The following FOXO1 variants were observed in gnomAD, a reference collection of about 807,000 sequenced individuals.
FOXO1 encodes forkhead box protein O1.
A neutral mutation model predicts 44.1 loss-of-function variants in FOXO1; 6 were observed. The ratio of observed to expected loss-of-function variants is 0.14; its 90% CI spans 0.07 to 0.27. The LOEUF (loss-of-function observed/expected upper bound fraction) is 0.27, where lower values mean the gene tolerates loss of function less well. FOXO1 is among the 10% of genes least tolerant of loss of function. The pLI, the probability that FOXO1 is intolerant of heterozygous loss-of-function variation, is 1.00. For synonymous variants in FOXO1, 380 were observed against 362.7 expected (o/e 1.05, Z -0.54); for missense variants, 737 against 888.8 (o/e 0.83, Z 2.17).
chr13:40,607,400 C>T (rs948015223), intron 1 of FOXO1, among the ~76,000 whole-genome samples: 1 of 152,126 alleles, frequency 6.6e-6, no homozygotes, highest in East Asian at 1.9e-4. Flanking sequence ...AGAAAAACAT[C>T]ATTCTTCTTG....
intron 1 of FOXO1, among the ~76,000 whole-genome samples, chr13:40,656,021 A>AT (rs1317139936): frequency 2.6e-5 from 4 of 152,202 alleles, no homozygotes; most frequent in South Asian, 2.1e-4. Context: ...CCACAATGCC[A>AT]TTTTTACTGC....
At chr13:40,630,006 A>G (rs1876909180) in intron 1 of FOXO1, among the ~76,000 whole-genome samples, 1 of 152,222 alleles carries the variant, frequency 6.6e-6, no homozygotes, top group Non-Finnish European at 1.5e-5. Flanking sequence ...CTTTAACTAC[A>G]TTACATCTAA....
At chr13:40,633,453 A>G (rs996330438) in intron 1 of FOXO1, among the ~76,000 whole-genome samples, 1 of 152,256 alleles carries the variant, frequency 6.6e-6, no homozygotes, top group Non-Finnish European at 1.5e-5. Context: ...AAGGAATGAT[A>G]CTGATACATG....
At chr13:40,647,926 C>A (rs552556784) in intron 1 of FOXO1, among the ~76,000 whole-genome samples, 1 of 152,174 alleles carries the variant, frequency 6.6e-6, no homozygotes, top group Admixed American at 6.5e-5. Flanking sequence ...CACATCTATG[C>A]CTGCAGAGTC....
At chr13:40,598,584 A>ATATGT (rs1875685207) in intron 1 of FOXO1, among the ~76,000 whole-genome samples, 1 of 152,192 alleles carries the variant, frequency 6.6e-6, no homozygotes, top group South Asian at 2.1e-4. Flanking sequence ...ATATTTACAT[A>ATATGT]TATGTGGTTC....
Position 40,585,020 on chromosome 13 carries a change from C to T in FOXO1, c.631-24160G>A, listed in dbSNP as rs544399987. 8.5e-5 allele frequency among the ~76,000 whole-genome samples: 13 copies of T among 152,224 alleles called. No homozygotes were observed. The East Asian group carries it at 2.5e-3, about 29-fold the overall frequency. On this transcript the variant is annotated intron_variant, in intron 1 of 2. Transcript: ENST00000379561. ...TGATTTAACAAGAGGAAGATGAAGT[C>T]CCAGAATATTCTTAACAAGTATCTT...
At chr13:40,612,907 C>T (rs901824496) in intron 1 of FOXO1, among the ~76,000 whole-genome samples, 16 of 152,152 alleles carry the variant, frequency 1.1e-4, no homozygotes, top group Non-Finnish European at 2.4e-4. Context: ...AACTATCTCC[C>T]TCCTATAAAG....
intron 1 of FOXO1, among the ~76,000 whole-genome samples, chr13:40,611,709 C>T (rs1031711901): frequency 1.3e-5 from 2 of 152,186 alleles, no homozygotes; most frequent in African/African-American, 4.8e-5. Context: ...GCTCAGCACT[C>T]TCTCACGAGC....
At chr13:40,573,616 C>CT (rs1260480356) in intron 1 of FOXO1, among the ~76,000 whole-genome samples, 1 of 152,112 alleles carries the variant, frequency 6.6e-6, no homozygotes, top group Non-Finnish European at 1.5e-5. Context: ...CGAATCATGT[C>CT]TTTTTTGGAA....
chr13:40,641,117 C>T (rs1398648823), intron 1 of FOXO1, among the ~76,000 whole-genome samples: 1 of 152,112 alleles, frequency 6.6e-6, no homozygotes, highest in East Asian at 1.9e-4. Context: ...AACCCCACAG[C>T]AACAACAAGG....
At chr13:40,659,212 G>A (rs1566087443) in intron 1 of FOXO1, among the ~76,000 whole-genome samples, 3 of 151,448 alleles carry the variant, frequency 2.0e-5, no homozygotes, top group Admixed American at 6.6e-5. Context: ...CTACTCGGGA[G>A]GCTGAGGCAG....
At chr13:40,665,424 GACCCGGGCGA>G (rs138257580) in intron 1 of FOXO1, among the ~76,000 whole-genome samples, 149 bp downstream of exon 1, 4,351 of 152,202 alleles carry the variant, frequency 0.029, 170 homozygotes, top group African/African-American at 0.096. Flanking sequence ...TCCCCGACCG[GACCCGGGCGA>G]GGCCACCGCG....
intron 1 of FOXO1, among the ~76,000 whole-genome samples, chr13:40,597,730 T>C (rs1875635970): frequency 6.6e-6 from 1 of 152,164 alleles, no homozygotes; most frequent in Non-Finnish European, 1.5e-5. Context: ...CCCTGGGAGC[T>C]TCTAAGGGGC....
At position 40,560,466 on chromosome 13, in the gene FOXO1, T is replaced by C. The variant is rs369876450; in HGVS notation, c.1025A>G (p.Asp342Gly). The change falls in exon 2 of 3, where the codon GAT (aspartate) becomes GGT (glycine). Residue 342 changes from aspartate (D) to glycine (G), a missense_variant. Transcript: ENST00000379561. This position sits in a 1 kb window ranked among gnomAD's most constrained non-coding sequence, Gnocchi z 5.1. Reference protein sequence around the residue: ...MTEQDDLGEGDVHSMVYPPSA... With the variant: ...MTEQDDLGEGGVHSMVYPPSA... Reference sequence around the variant, plus strand: ...TGGCGGGTACACCATAGAATGCACATCCCCTTCTCCAAGATCATCCTGTTC... The same window carrying C: ...TGGCGGGTACACCATAGAATGCACACCCCCTTCTCCAAGATCATCCTGTTC... The C allele has an allele frequency of 1.2e-6, 2 of 1,614,024 alleles. No individual in the cohort carries two copies. Among genetic ancestry groups the C allele is most frequent in the African/African-American group, 2.7e-5 (2 of 74,910 alleles).
intron 1 of FOXO1, among the ~76,000 whole-genome samples, chr13:40,649,909 A>G (rs1285734054): frequency 6.6e-6 from 1 of 152,202 alleles, no homozygotes; most frequent in African/African-American, 2.4e-5. Context: ...CATTCAAACT[A>G]TTACAGGAAA....
At chr13:40,606,524 G>A (rs979678824) in intron 1 of FOXO1, among the ~76,000 whole-genome samples, 1 of 152,108 alleles carries the variant, frequency 6.6e-6, no homozygotes, top group Non-Finnish European at 1.5e-5. Flanking sequence ...TGTTGGCCAG[G>A]CTGGCCTCAA....
chr13:40,556,079 A>T lies in FOXO1; in HGVS notation c.*2970T>A, dbSNP rs1036280547. 1 of 152,268 alleles carries T rather than the reference A, an allele frequency of 6.6e-6. No individual in the cohort carries two copies. Among genetic ancestry groups the T allele is most frequent in the Non-Finnish European group, 1.5e-5 (1 of 68,042 alleles). The allele number at this position is 152,268 out of a possible 1,614,324, so 9.4% of individuals were successfully genotyped here. A position where few individuals can be genotyped will look rare whatever the true frequency, so the allele number is the denominator to read the frequency against. On this transcript the variant is annotated 3_prime_UTR_variant, in exon 3 of 3. Transcript: ENST00000379561. ...ATGATTATTCCCAAACTAAAACCAG[A>T]AAAGAAACTTCTCTTTTAAAATTAG...
intron 1 of FOXO1, among the ~76,000 whole-genome samples, chr13:40,612,586 C>T (rs1167813951): frequency 6.6e-6 from 1 of 152,178 alleles, no homozygotes; most frequent in Non-Finnish European, 1.5e-5. Context: ...TTTATCATCC[C>T]AGGCACAACA....
At chr13:40,621,879 C>T (rs4943796) in intron 1 of FOXO1, among the ~76,000 whole-genome samples, 62,022 of 151,684 alleles carry the variant, frequency 0.41, 13,811 homozygotes, top group East Asian at 0.75. Flanking sequence ...TTATATAATT[C>T]TAAGGTTAAA....
Sources: allele counts gnomAD v4.1 joint callset (sites outside exome capture counted in the v4.1 genomes callset), GRCh38; gene constraint gnomAD v4.1.1; non-coding constraint Gnocchi (gnomAD v3.1); transcripts MANE v1.5; gene names NCBI Gene and HGNC (gene_info 2026-07-23, HGNC 2026-07-21).